The following CLSTN2 variants were observed in gnomAD, a reference collection of about 807,000 sequenced individuals.
The protein encoded by CLSTN2 is calsyntenin-2.
CLSTN2 carries 48 observed loss-of-function variants against 101.2 expected under a neutral mutation model. The observed-to-expected ratio is 0.47, with a 90% CI of 0.38 to 0.60. The LOEUF is 0.60. Among genes scored for constraint, CLSTN2 ranks in the 20% least tolerant of loss-of-function variants. The pLI, the probability that CLSTN2 is intolerant of heterozygous loss-of-function variation, is 0.00. For missense variants in CLSTN2, 1,160 were observed against 1,238.2 expected, an observed-to-expected ratio of 0.94 and a Z score of 0.95; for synonymous variants, 481 against 463.6, an observed-to-expected ratio of 1.04 and a Z score of -0.48.
chr3:140,235,436 C>G (rs955482147), intron 2 of CLSTN2, among the ~76,000 whole-genome samples: 1 of 152,158 alleles, frequency 6.6e-6, no homozygotes, highest in Non-Finnish European at 1.5e-5. Flanking sequence ...CAGAAGTGGT[C>G]TGTGTTGGCA....
chr3:140,188,791 C>T (rs540163855), intron 2 of CLSTN2, among the ~76,000 whole-genome samples: 1 of 152,272 alleles, frequency 6.6e-6, no homozygotes, highest in East Asian at 1.9e-4. Context: ...ATACCTTACT[C>T]AGTTTCCCCC....
chr3:140,351,514 C>A (rs2087606550), intron 2 of CLSTN2, among the ~76,000 whole-genome samples: 1 of 152,228 alleles, frequency 6.6e-6, no homozygotes, highest in South Asian at 2.1e-4. Flanking sequence ...ACAGTCAAGT[C>A]TTCCTAGAGC....
intron 2 of CLSTN2, among the ~76,000 whole-genome samples, chr3:140,353,687 T>C (rs1195946653): frequency 6.6e-6 from 1 of 152,212 alleles, no homozygotes; most frequent in African/African-American, 2.4e-5. Context: ...CAAGGGATGA[T>C]TGTATCTACC....
chr3:140,334,528 GGAGTCACAGATGGAAGGACA>G (rs2087421861), intron 2 of CLSTN2, among the ~76,000 whole-genome samples: 1 of 152,206 alleles, frequency 6.6e-6, no homozygotes, highest in Non-Finnish European at 1.5e-5. Flanking sequence ...ACTGGACTGT[GGAGTCACAGATGGAAGGACA>G]GAGTCCCCAC....
chr3:140,041,075 G>C (rs2007752434), intron 1 of CLSTN2, among the ~76,000 whole-genome samples: 1 of 152,200 alleles, frequency 6.6e-6, no homozygotes, highest in Non-Finnish European at 1.5e-5. Context: ...GCTTCTGTGA[G>C]CTCTCCCTGC....
chr3:139,967,924 A>G (rs1332655382), intron 1 of CLSTN2, among the ~76,000 whole-genome samples: 1 of 152,160 alleles, frequency 6.6e-6, no homozygotes, highest in African/African-American at 2.4e-5. Context: ...AATGAAGGGA[A>G]CTACATGTGA....
At chr3:140,504,946 A>G (rs532313166) in intron 8 of CLSTN2, among the ~76,000 whole-genome samples, 3 of 152,326 alleles carry the variant, frequency 2.0e-5, no homozygotes, top group East Asian at 1.9e-4. Context: ...CGCTTGGCAA[A>G]TATCCGTAAC....
intron 5 of CLSTN2, among the ~76,000 whole-genome samples, chr3:140,430,519 T>G (rs1307767252): frequency 6.6e-6 from 1 of 152,250 alleles, no homozygotes; most frequent in Non-Finnish European, 1.5e-5. Context: ...GTTCACATAG[T>G]GCCTATGGTT....
intron 2 of CLSTN2, among the ~76,000 whole-genome samples, chr3:140,385,608 A>T (rs1279116325): frequency 6.6e-6 from 1 of 151,694 alleles, no homozygotes; most frequent in East Asian, 1.9e-4. Context: ...TGATCTCCTG[A>T]CTTCATGATC....
At chr3:140,095,156 A>G (rs941749512) in intron 1 of CLSTN2, among the ~76,000 whole-genome samples, 2 of 152,150 alleles carry the variant, frequency 1.3e-5, no homozygotes, top group Non-Finnish European at 2.9e-5. Flanking sequence ...CTCTCCCTCA[A>G]CACCGTACCA....
At chr3:140,328,793 A>T (rs1206515130) in intron 2 of CLSTN2, among the ~76,000 whole-genome samples, 1 of 152,202 alleles carries the variant, frequency 6.6e-6, no homozygotes, top group South Asian at 2.1e-4. Flanking sequence ...TAGTAGCAGT[A>T]CTTTTCTCAG....
At chr3:140,448,045 T>TA (rs892797594) in intron 5 of CLSTN2, among the ~76,000 whole-genome samples, 2 of 151,966 alleles carry the variant, frequency 1.3e-5, no homozygotes, top group East Asian at 1.9e-4. Flanking sequence ...TTTGAGATAC[T>TA]AAAAAAAAGG....
At chr3:140,501,406 G>A (rs549363565) in intron 8 of CLSTN2, among the ~76,000 whole-genome samples, 7 of 152,350 alleles carry the variant, frequency 4.6e-5, no homozygotes, top group African/African-American at 1.7e-4. Flanking sequence ...AAGGCTAGAT[G>A]CAGGAAGGAG....
intron 8 of CLSTN2, among the ~76,000 whole-genome samples, chr3:140,503,877 C>T (rs1307146219): frequency 6.6e-6 from 1 of 152,140 alleles, no homozygotes; most frequent in African/African-American, 2.4e-5. Flanking sequence ...GGTGGGGTCT[C>T]CTTCCAAGGG....
intron 2 of CLSTN2, among the ~76,000 whole-genome samples, chr3:140,242,389 A>AT (rs952226976): frequency 2.0e-5 from 3 of 152,270 alleles, no homozygotes; most frequent in African/African-American, 7.2e-5. Flanking sequence ...CATTTGAAAT[A>AT]TAATATTGGA....
chr3:140,328,842 A>G (rs972623132), intron 2 of CLSTN2, among the ~76,000 whole-genome samples: 3 of 152,216 alleles, frequency 2.0e-5, no homozygotes, highest in African/African-American at 7.2e-5. Flanking sequence ...AAAGGCTTTA[A>G]ACAGTACCTG....
rs1559797202 is a variant in CLSTN2 at position 140,171,685 on chromosome 3, A to AT, written c.110-4266_110-4265insT. 6.9e-3 allele frequency among the ~76,000 whole-genome samples: 59 copies of AT among 8,504 alleles called. 2 individuals carry two copies. The East Asian group carries it at 0.33, about 48-fold the overall frequency. 5.6% of individuals were successfully genotyped at this position (8,504 alleles called of 152,430 possible). A position where few individuals can be genotyped will look rare whatever the true frequency, so the allele number is the denominator to read the frequency against. ...ATTATATATAATATGTATTATATAT[A>AT]ATATATATTAATATATAATATGTAT... On this transcript the variant is annotated intron_variant, in intron 1 of 16. Coordinates refer to ENST00000458420, the MANE Select transcript of CLSTN2 (RefSeq NM_022131.3).
At chr3:140,351,493 G>A (rs929705312) in intron 2 of CLSTN2, among the ~76,000 whole-genome samples, 4 of 152,168 alleles carry the variant, frequency 2.6e-5, no homozygotes, top group African/African-American at 7.2e-5. Context: ...ATAGTAAATA[G>A]TATATCAAAC....
chr3:140,353,924 C>T (rs115744952), intron 2 of CLSTN2, among the ~76,000 whole-genome samples: 96 of 152,290 alleles, frequency 6.3e-4, no homozygotes, highest in African/African-American at 2.0e-3. Context: ...GAGGTCACAT[C>T]AGACCATAGA....
Sources: gnomAD v4.1 joint callset for allele counts (sites outside exome capture counted in the v4.1 genomes callset) on GRCh38, gnomAD v4.1.1 for gene constraint, MANE v1.5 for transcripts, NCBI Gene and HGNC (gene_info 2026-07-23, HGNC 2026-07-21) for gene names.